The following CNTNAP5 variants were observed in gnomAD, a reference collection of about 807,000 sequenced individuals.
The protein encoded by CNTNAP5 is contactin associated protein family member 5.
A neutral mutation model predicts 150.2 loss-of-function variants in CNTNAP5; 72 were observed. That is an observed-to-expected ratio of 0.48 (90% confidence interval 0.40 to 0.58). The LOEUF (loss-of-function observed/expected upper bound fraction) is 0.58. CNTNAP5 is among the 20% of genes least tolerant of loss of function. CNTNAP5 has a pLI of 0.00. For synonymous variants in CNTNAP5, 672 were observed against 619.8 expected, an observed-to-expected ratio of 1.08 and a Z score of -1.25; for missense variants, 1,636 against 1,626.2, an observed-to-expected ratio of 1.01 and a Z score of -0.10.
chr2:124,381,400 T>C (rs1431214693), intron 3 of CNTNAP5, among the ~76,000 whole-genome samples: 1 of 152,020 alleles, frequency 6.6e-6, no homozygotes, highest in Non-Finnish European at 1.5e-5. Flanking sequence ...TTGCTGTGGC[T>C]CAAGAAAGAA....
chr2:124,754,500 C>G (rs1680796088), intron 14 of CNTNAP5, among the ~76,000 whole-genome samples: 1 of 151,980 alleles, frequency 6.6e-6, no homozygotes, highest in Non-Finnish European at 1.5e-5. Flanking sequence ...TGCGGTGGGT[C>G]CTCCATGCCT....
chr2:124,812,362 C>A (rs1212796561), intron 19 of CNTNAP5, among the ~76,000 whole-genome samples: 3 of 150,740 alleles, frequency 2.0e-5, no homozygotes, highest in Non-Finnish European at 4.4e-5. Context: ...AGTCCCCCAA[C>A]CCCCCAGTGA....
intron 13 of CNTNAP5, among the ~76,000 whole-genome samples, chr2:124,731,999 T>A (rs1680282267): frequency 6.6e-6 from 1 of 152,128 alleles, no homozygotes; most frequent in Admixed American, 6.6e-5. Context: ...GGGTGAAAAT[T>A]TATTCTTTTA....
intron 1 of CNTNAP5, among the ~76,000 whole-genome samples, chr2:124,060,836 T>C (rs919112900): frequency 2.0e-5 from 3 of 152,216 alleles, no homozygotes; most frequent in African/African-American, 7.2e-5. Flanking sequence ...TTTGACCTCA[T>C]TCAAATTAGG....
intron 11 of CNTNAP5, among the ~76,000 whole-genome samples, chr2:124,578,050 C>G (rs1454758035): frequency 1.3e-5 from 2 of 151,056 alleles, no homozygotes; most frequent in Non-Finnish European, 2.9e-5. Flanking sequence ...TGGCTCATGC[C>G]TGTAATCCCA....
intron 1 of CNTNAP5, among the ~76,000 whole-genome samples, chr2:124,064,673 G>A (rs187647673): frequency 6.3e-4 from 96 of 152,220 alleles, no homozygotes; most frequent in African/African-American, 2.2e-3. Context: ...TCTTATGACT[G>A]TATCAATAAT....
intron 1 of CNTNAP5, among the ~76,000 whole-genome samples, chr2:124,060,584 G>T (rs1003843505): frequency 6.6e-6 from 1 of 152,200 alleles, no homozygotes; most frequent in Non-Finnish European, 1.5e-5. Flanking sequence ...AGGTGGAGAA[G>T]GGCCTGCCAG....
intron 8 of CNTNAP5, among the ~76,000 whole-genome samples, chr2:124,506,004 T>TA (rs1205172672): frequency 7.2e-5 from 11 of 152,248 alleles, no homozygotes; most frequent in African/African-American, 2.4e-4. Context: ...TAGCAAAAAT[T>TA]AAGTTAAATT....
intron 11 of CNTNAP5, among the ~76,000 whole-genome samples, chr2:124,607,128 T>C (rs530756253): frequency 1.3e-5 from 2 of 152,324 alleles, no homozygotes; most frequent in East Asian, 3.9e-4. Context: ...ATTAGCTACC[T>C]ATTGTAATGA....
intron 19 of CNTNAP5, among the ~76,000 whole-genome samples, chr2:124,810,661 T>A (rs966500005): frequency 2.0e-5 from 3 of 151,770 alleles, no homozygotes; most frequent in African/African-American, 7.3e-5. Context: ...AAGAAAGACA[T>A]GAGATCCAGG....
intron 10 of CNTNAP5, among the ~76,000 whole-genome samples, chr2:124,559,436 G>A (rs1201220463): frequency 6.6e-6 from 1 of 152,180 alleles, no homozygotes; most frequent in East Asian, 1.9e-4. Flanking sequence ...GGAGTAAGAG[G>A]AAAGCCATTG....
At chr2:124,391,279 G>T (rs61129459) in intron 3 of CNTNAP5, among the ~76,000 whole-genome samples, 1 of 152,002 alleles carries the variant, frequency 6.6e-6, no homozygotes, top group African/African-American at 2.4e-5. Context: ...AGATCTTTGA[G>T]AAATTTTAGA....
At chr2:124,508,187 C>T (rs537576959) in intron 8 of CNTNAP5, among the ~76,000 whole-genome samples, 47 of 152,262 alleles carry the variant, frequency 3.1e-4, no homozygotes, top group African/African-American at 1.1e-3. Flanking sequence ...TTTCTTCCTT[C>T]CGTGCTGACT....
At chr2:124,264,724 G>A (rs1014765447) in intron 3 of CNTNAP5, among the ~76,000 whole-genome samples, 1 of 152,188 alleles carries the variant, frequency 6.6e-6, no homozygotes, top group East Asian at 1.9e-4. Flanking sequence ...CATCTGCAGT[G>A]GTTTTGTGGC....
intron 3 of CNTNAP5, among the ~76,000 whole-genome samples, chr2:124,411,742 G>A (rs1244267279): frequency 2.4e-5 from 2 of 84,196 alleles, no homozygotes; most frequent in Non-Finnish European, 5.0e-5. Context: ...AATAATAAGA[G>A]CTATCTATGA....
chr2:124,622,052 T>C (rs1573503038), intron 12 of CNTNAP5, among the ~76,000 whole-genome samples: 1 of 152,136 alleles, frequency 6.6e-6, no homozygotes. Context: ...GCTGCACAGA[T>C]CACCCCATCA....
At chr2:124,314,185 C>T (rs1240488689) in intron 3 of CNTNAP5, among the ~76,000 whole-genome samples, 2 of 152,162 alleles carry the variant, frequency 1.3e-5, no homozygotes, top group African/African-American at 4.8e-5. Flanking sequence ...CTAGAGCTGG[C>T]AACATGCAAT....
At chr2:124,431,027 C>A (rs1242295050) in intron 4 of CNTNAP5, among the ~76,000 whole-genome samples, 2 of 152,196 alleles carry the variant, frequency 1.3e-5, no homozygotes, top group African/African-American at 4.8e-5. Context: ...AACTGGAGCT[C>A]AAAGAAATCA....
chr2:124,378,775 C>T (rs921559627), intron 3 of CNTNAP5, among the ~76,000 whole-genome samples: 3 of 152,054 alleles, frequency 2.0e-5, no homozygotes, highest in African/African-American at 7.2e-5. Flanking sequence ...TTGGATGATG[C>T]TCGTATCGAG....
Sources: gnomAD v4.1 joint callset for allele counts (sites outside exome capture counted in the v4.1 genomes callset) on GRCh38, gnomAD v4.1.1 for gene constraint, MANE v1.5 for transcripts, NCBI Gene and HGNC (gene_info 2026-07-23, HGNC 2026-07-21) for gene names.